OPRM1: variants seen among roughly 807,000 people sequenced by gnomAD.
OPRM1 encodes the protein opioid receptor mu 1, also known as mu-type opioid receptor.
A neutral mutation model predicts 31.8 loss-of-function variants in OPRM1; 27 were observed. The ratio of observed to expected loss-of-function variants is 0.85; its 90% CI spans 0.63 to 1.17. The LOEUF (loss-of-function observed/expected upper bound fraction) is 1.17, where lower values mean the gene tolerates loss of function less well. OPRM1 is among the 50% of genes most tolerant of loss of function. The pLI is 0.00. For missense variants in OPRM1, 536 were observed against 511.1 expected, an observed-to-expected ratio of 1.05 and a Z score of -0.47; for synonymous variants, 196 against 189.9, an observed-to-expected ratio of 1.03 and a Z score of -0.26.
At chr6:154,195,450 C>T (rs1346201638) in intron 3 of OPRM1, among the ~76,000 whole-genome samples, 1 of 151,816 alleles carries the variant, frequency 6.6e-6, no homozygotes, top group African/African-American at 2.4e-5. Context: ...CCTGGCCCAG[C>T]TACAATAATT....
chr6:154,015,197 G>A (rs1452411856), intron 1 of OPRM1, among the ~76,000 whole-genome samples: 2 of 151,784 alleles, frequency 1.3e-5, no homozygotes, highest in Admixed American at 6.6e-5. Context: ...AGTTCATTTG[G>A]GAAAAAAAGC....
At chr6:154,081,423 G>A (rs1462325442) in intron 1 of OPRM1, among the ~76,000 whole-genome samples, 2 of 152,082 alleles carry the variant, frequency 1.3e-5, no homozygotes, top group African/African-American at 2.4e-5. Context: ...GGAGAATGGC[G>A]TGAACCCGGG....
At chr6:154,224,451 T>C (rs563837639) in intron 3 of OPRM1, among the ~76,000 whole-genome samples, 1 of 152,288 alleles carries the variant, frequency 6.6e-6, no homozygotes, top group Admixed American at 6.5e-5. Context: ...CTCATGCCTG[T>C]AATCCCAGCA....
chr6:154,019,413 T>A (rs944001450), intron 1 of OPRM1, among the ~76,000 whole-genome samples: 5 of 152,060 alleles, frequency 3.3e-5, no homozygotes, highest in Non-Finnish European at 7.4e-5. Context: ...TCACCCAAAG[T>A]CCATAGTTTA....
intron 1 of OPRM1, among the ~76,000 whole-genome samples, chr6:154,014,185 A>G (rs984342638): frequency 2.6e-5 from 4 of 152,208 alleles, no homozygotes; most frequent in Non-Finnish European, 5.9e-5. Flanking sequence ...TTTCAAGTGC[A>G]GACGCCATAA....
chr6:154,107,476 C>T, intron 3 of OPRM1: 1 of 718,502 alleles, frequency 1.4e-6, no homozygotes, highest in Non-Finnish European at 2.6e-6. Context: ...TGGAATTGAA[C>T]CTGGACTGTC....
intron 3 of OPRM1, among the ~76,000 whole-genome samples, chr6:154,118,361 G>T (rs17174935): frequency 0.017 from 2,641 of 152,090 alleles, 36 homozygotes; most frequent in Non-Finnish European, 0.028. Flanking sequence ...GGGAGGAAGA[G>T]GGTAAAAAAA....
chr6:154,188,314 GAAAATAT>G (rs959457080), intron 3 of OPRM1, among the ~76,000 whole-genome samples: 1 of 152,160 alleles, frequency 6.6e-6, no homozygotes, highest in Non-Finnish European at 1.5e-5. Context: ...ACTTTTCATA[GAAAATAT>G]AAATTGTGAA....
At position 154,123,878 on chromosome 6, in the gene OPRM1, T is replaced by C. The variant is rs1273039293; in HGVS notation, c.*5157T>C. 6.6e-6 allele frequency among the ~76,000 whole-genome samples: 1 copy of C among 152,210 alleles called. No homozygotes were observed. The highest frequency in any genetic ancestry group is 2.4e-5 in the African/African-American group (1 of 41,460). On this transcript the variant is annotated 3_prime_UTR_variant, in exon 4 of 4. Transcript: ENST00000330432. ...TTGGTTTTAGTGGGGTTTGGCCGGC[T>C]TCTTTACCACATCCTTTTATCAGTA...
chr6:154,134,851 T>C (rs1158408780), downstream of OPRM1, among the ~76,000 whole-genome samples: 2 of 152,044 alleles, frequency 1.3e-5, no homozygotes, highest in African/African-American at 4.8e-5. Flanking sequence ...AAAACCACTA[T>C]TTGAGAAGGG....
At chr6:154,200,497 G>T (rs1776975467) in intron 3 of OPRM1, among the ~76,000 whole-genome samples, 1 of 152,178 alleles carries the variant, frequency 6.6e-6, no homozygotes, top group South Asian at 2.1e-4. Context: ...GAGACAGGCA[G>T]ATCACCTGAG....
rs751700008 is a variant in OPRM1, at chr6:154,091,487, G to C, written c.1164+15G>C. 7 of 1,600,878 alleles carry C rather than the reference G, an allele frequency of 4.4e-6. No individual in the cohort carries two copies. The Admixed American group carries it at 1.2e-4, about 27-fold the overall frequency. On this transcript the variant is annotated intron_variant, in intron 3 of 3. Coordinates refer to ENST00000330432, the MANE Select transcript of OPRM1 (RefSeq NM_000914.5). The stretch of plus-strand genomic sequence containing the variant: ...CTAATCATCAGGTACGCAGTCTCTA[G>C]AATTAGGTATATCTACTGGGGATGA...
intron 3 of OPRM1, among the ~76,000 whole-genome samples, chr6:154,191,013 G>A (rs779692401): frequency 6.6e-6 from 1 of 151,946 alleles, no homozygotes; most frequent in African/African-American, 2.4e-5. Context: ...CCGAGATCGC[G>A]CCACTGCACT....
chr6:154,232,691 T>C (rs1779814835), intron 3 of OPRM1, among the ~76,000 whole-genome samples: 1 of 152,150 alleles, frequency 6.6e-6, no homozygotes, highest in Non-Finnish European at 1.5e-5. Context: ...GATTTGGAAT[T>C]AATGTCTCGA....
At chr6:154,084,870 TTATGAAAAAGG>T (rs1250755633) in intron 1 of OPRM1, among the ~76,000 whole-genome samples, 1 of 151,216 alleles carries the variant, frequency 6.6e-6, no homozygotes. Context: ...TATTGTGAAC[TTATGAAAAAGG>T]TAGTTGAGCA....
At chr6:154,134,390 G>C (rs997911981), downstream of OPRM1, among the ~76,000 whole-genome samples, 1 of 152,176 alleles carries the variant, frequency 6.6e-6, no homozygotes. Flanking sequence ...TAGTTTGAGA[G>C]GCAGGAGGGT....
At chr6:154,245,090 A>G (rs1198502292) in intron 3 of OPRM1, among the ~76,000 whole-genome samples, 3 of 152,194 alleles carry the variant, frequency 2.0e-5, no homozygotes, top group Non-Finnish European at 4.4e-5. Context: ...CTCTCTTACA[A>G]TAGAAGGCAA....
Position 154,140,547 on chromosome 6 carries a change from C to CAGGA in OPRM1, c.1164+49075_1164+49076insAGGA, listed in dbSNP as rs1583649752. 5.3e-5 allele frequency among the ~76,000 whole-genome samples: 8 copies of CAGGA among 152,190 alleles called. No individual in the cohort carries two copies. In the East Asian group the frequency reaches 1.5e-3, roughly 29 times the overall value. On this transcript the variant is annotated intron_variant, in intron 3 of 3. Coordinates refer to the OPRM1 transcript ENST00000337049. ...GTTTCGCCATGTTGGCCAGGCTGGT[C>CAGGA]TCAAATTCCTGACTTCAGGTGATCC...
chr6:154,232,019 G>T (rs1554297045), intron 3 of OPRM1, among the ~76,000 whole-genome samples: 1 of 152,142 alleles, frequency 6.6e-6, no homozygotes, highest in Non-Finnish European at 1.5e-5. Context: ...GTAGTGACAT[G>T]TTATTATCAT....
Sources: gnomAD v4.1 joint callset for allele counts (sites outside exome capture counted in the v4.1 genomes callset) on GRCh38, gnomAD v4.1.1 for gene constraint, MANE v1.5 for transcripts, NCBI Gene and HGNC (gene_info 2026-07-23, HGNC 2026-07-21) for gene names.